DSP: variants seen among roughly 807,000 people sequenced by gnomAD.
The protein encoded by DSP is desmoplakin.
Under a neutral mutation model 290.6 loss-of-function variants are expected in DSP, and 114 were observed. The observed-to-expected ratio is 0.39, with a 90% CI of 0.34 to 0.46. The LOEUF (loss-of-function observed/expected upper bound fraction) is 0.46. Ranked by LOEUF, DSP falls within the 20% of genes least tolerant of loss-of-function variation. The pLI is 0.99. For synonymous variants in DSP, 1,311 were observed against 1,316.4 expected (o/e 1.00, Z 0.09); for missense variants, 3,230 against 3,495.8 (o/e 0.92, Z 1.92).
chr6:7,541,911 C>A lies in DSP; in HGVS notation c.-5C>A. Reference sequence around the variant, plus strand: ...GCTGAGCCGCTCTCCCGATTGCCCGCCGACATGAGCTGCAACGGAGGCTCC... The same window carrying A: ...GCTGAGCCGCTCTCCCGATTGCCCGACGACATGAGCTGCAACGGAGGCTCC... On this transcript the variant is annotated 5_prime_UTR_variant, in exon 1 of 24. Transcript: ENST00000379802. 1 of 1,603,686 alleles carries A rather than the reference C, an allele frequency of 6.2e-7. No homozygotes were observed.
In DSP at chr6:7,580,603, T is replaced by C. The variant is rs1759399310; in HGVS notation, c.4413T>C (p.Asp1471=). 6.2e-7 allele frequency: 1 copy of C among 1,614,004 alleles called. No individual in the cohort carries two copies. Among genetic ancestry groups the C allele is most frequent in the Non-Finnish European group, 8.5e-7 (1 of 1,180,032 alleles). The stretch of plus-strand genomic sequence containing the variant: ...TAAGATATAAGCAATCTCTTGATGA[T>C]GCTGCCAAAACCATCCAGGATAAAA... The part of the protein sequence containing the change: ...ESVRYKQSLD[D]AAKTIQDKNK... The change falls in exon 23 of 24, where the codon GAT becomes GAC. Residue 1471 remains aspartate (D), a synonymous_variant. Coordinates refer to ENST00000379802, the MANE Select transcript of DSP (RefSeq NM_004415.4). This position sits in a 1 kb window ranked among gnomAD's most constrained non-coding sequence, Gnocchi z 4.2.
At chr6:7,567,021 G>T (rs1191283079) in intron 8 of DSP, among the ~76,000 whole-genome samples, 1 of 152,142 alleles carries the variant, frequency 6.6e-6, no homozygotes, top group Non-Finnish European at 1.5e-5. Flanking sequence ...AATCCTCCAG[G>T]AACAGGGCTC....
Position 7,558,288 on chromosome 6 carries a change from G to A in DSP, c.422+24G>A, listed in dbSNP as rs532263757. The A allele has an allele frequency of 2.9e-4, 472 of 1,608,574 alleles. 8 individuals carry two copies. The South Asian group carries it at 4.7e-3, about 16-fold the overall frequency. On this transcript the variant is annotated intron_variant, in intron 3 of 23. Coordinates refer to ENST00000379802, the MANE Select transcript of DSP (RefSeq NM_004415.4). The stretch of plus-strand genomic sequence containing the variant: ...AGGTATTGTCCACAGAGCATGGATC[G>A]GGCAGTCCCCATGAAAAAGAACACC...
Position 7,570,449 on chromosome 6 carries a change from C to G in DSP, c.1587C>G (p.Tyr529Ter). The change falls in exon 13 of 24, where the codon TAC becomes TAG. Residue 529 changes from tyrosine to a stop codon, truncating the protein, a stop_gained. Coordinates refer to ENST00000379802, the MANE Select transcript of DSP (RefSeq NM_004415.4). LOFTEE classifies it high-confidence loss of function. ...TTGTGCCTCTTAGGATTGAGCAGTA[C>G]TACGAAGCCATCTTGGCTCTGTGGA... ...AVDLSCKIEQYYEAILALWNQ... is the reference protein window; with the variant it reads ...AVDLSCKIEQ 1 of 1,614,152 alleles carries G rather than the reference C, an allele frequency of 6.2e-7. No homozygotes were observed.
rs1759686195 is a variant in DSP at position 7,586,703 on chromosome 6, G to C, written c.*825G>C. On this transcript the variant is annotated 3_prime_UTR_variant, in exon 24 of 24. Coordinates refer to ENST00000379802, the MANE Select transcript of DSP (RefSeq NM_004415.4). ...TACCATTAAAAAACTATTTGGTTCT[G>C]AATTCTTACTAGAAGGTGGTCTTTT... The C allele has an allele frequency of 6.6e-6, 1 of 152,210 alleles. No homozygotes were observed. Among genetic ancestry groups the C allele is most frequent in the Admixed American group, 6.5e-5 (1 of 15,280 alleles). 9.4% of individuals were successfully genotyped at this position (152,210 alleles called of 1,614,324 possible).
At position 7,568,565 on chromosome 6, in the gene DSP, T is replaced by G. The variant is rs778926592; in HGVS notation, c.1395T>G (p.Ala465=). The change falls in exon 11 of 24, where the codon GCT becomes GCG. Residue 465 remains alanine (A), a synonymous_variant. Transcript: ENST00000379802. The part of the protein sequence containing the change: ...YRSNKPIILR[A]LCDYKQDQKI... ...GCAATAAACCCATTATTCTCAGAGC[T>G]CTCTGTGACTACAAACAAGATCAGG... 2.5e-6 allele frequency: 4 copies of G among 1,613,910 alleles called. No homozygotes were observed. The highest frequency in any genetic ancestry group is 1.6e-4 in the Middle Eastern group (1 of 6,084).
At chr6:7,567,032 G>A (rs770951980) in intron 8 of DSP, among the ~76,000 whole-genome samples, 2 of 152,096 alleles carry the variant, frequency 1.3e-5, no homozygotes, top group Non-Finnish European at 2.9e-5. Flanking sequence ...AACAGGGCTC[G>A]GTGTGGCAAA....
chr6:7,543,296 G>T (rs1758072014), intron 1 of DSP, among the ~76,000 whole-genome samples: 1 of 151,800 alleles, frequency 6.6e-6, no homozygotes. Flanking sequence ...GTTTTGTTTT[G>T]CAAGCAGTTT....
chr6:7,546,285 C>T (rs1027111825), intron 1 of DSP, among the ~76,000 whole-genome samples: 23 of 152,108 alleles, frequency 1.5e-4, no homozygotes, highest in African/African-American at 5.6e-4. Context: ...TGACTCATAG[C>T]GTAGATAGTC....
Position 7,585,754 on chromosome 6 carries a change from C to T in DSP, c.8492C>T (p.Ser2831Leu), listed in dbSNP as rs761243454. Residue 2831 changes from serine to leucine, a missense_variant, in exon 24 of 24, where the codon TCG becomes TTG. Around this residue, in one of 5 missense-constraint regions of DSP, gnomAD observed 582 missense variants for 555.4 expected, o/e 1.05. Coordinates refer to ENST00000379802, the MANE Select transcript of DSP (RefSeq NM_004415.4). ...CCGGGGTCCCGCTCCGGCTCCCGCT[C>T]GGGATCTCGCTCCGGATCTCGCTCC... ...SAPGSRSGSR[S>L]GSRSGSRSGS... 3 of 1,609,670 alleles carry T rather than the reference C, an allele frequency of 1.9e-6. No homozygotes were observed. In the South Asian group the frequency reaches 3.3e-5, roughly 18 times the overall value.
rs1759240465 is a variant in DSP at position 7,576,373 on chromosome 6, G to C, written c.2710G>C (p.Asp904His). 6.2e-7 allele frequency: 1 copy of C among 1,614,018 alleles called. No homozygotes were observed. The highest frequency in any genetic ancestry group is 1.1e-5 in the South Asian group (1 of 91,084). Residue 904 changes from aspartate to histidine, a missense_variant, in exon 19 of 24, where the codon GAT (aspartate) becomes CAT (histidine). This residue lies in a region of DSP where 1,714 missense variants were observed against 1,844.5 expected (regional missense o/e 0.93). Coordinates refer to ENST00000379802, the MANE Select transcript of DSP (RefSeq NM_004415.4). ...NYQAFCKWLY[D>H]AKRRQDSLES... ...TCAGGCTTTCTGCAAGTGGCTCTAT[G>C]ATGCTAAACGCCGCCAGGATTCCTT... is the stretch of plus-strand genomic sequence containing the variant.
chr6:7,581,645 CTCTT>C (rs1380206719), intron 23 of DSP, 76 bp downstream of exon 23: 1 of 1,579,838 alleles, frequency 6.3e-7, no homozygotes, highest in Non-Finnish European at 8.6e-7. Flanking sequence ...CTGAACTGTG[CTCTT>C]TCTGCTTAAA....
intron 1 of DSP, among the ~76,000 whole-genome samples, chr6:7,543,898 AG>A (rs1758094921): frequency 1.3e-5 from 2 of 152,212 alleles, no homozygotes; most frequent in Non-Finnish European, 1.5e-5. Flanking sequence ...ATGTTTTATT[AG>A]GATTCCCCAT....
Position 7,584,038 on chromosome 6 carries a change from G to A in DSP, c.6776G>A (p.Cys2259Tyr), listed in dbSNP as rs754635738. 4 of 1,614,174 alleles carry A rather than the reference G, an allele frequency of 2.5e-6. No individual in the cohort carries two copies. Among genetic ancestry groups the A allele is most frequent in the Admixed American group, 1.7e-5 (1 of 60,030 alleles). The change falls in exon 24 of 24, where the codon TGC (cysteine) becomes TAC (tyrosine). Residue 2259 changes from cysteine to tyrosine, a missense_variant. Transcript: ENST00000379802. The surrounding 1 kb of genome is among the most constrained non-coding windows in gnomAD (Gnocchi z 6.4). ...RIKDFLQGSS[C>Y]IAGIYNETTK... ...AAGGACTTCCTCCAGGGTTCAAGCT[G>A]CATAGCAGGCATATACAATGAGACC...
chr6:7,554,600 A>T (rs935343289), intron 1 of DSP, among the ~76,000 whole-genome samples: 1 of 152,100 alleles, frequency 6.6e-6, no homozygotes, highest in Non-Finnish European at 1.5e-5. Context: ...TCACACCATG[A>T]TTTTTAAAAA....
rs185367490 is a variant in DSP at position 7,579,891 on chromosome 6, A to G, written c.3701A>G (p.Asn1234Ser). 37 of 1,614,162 alleles carry G rather than the reference A, an allele frequency of 2.3e-5. No individual in the cohort carries two copies. In the East Asian group the frequency reaches 6.9e-4, roughly 30 times the overall value. The change falls in exon 23 of 24, where the codon AAT becomes AGT. Residue 1234 changes from asparagine (N) to serine (S), a missense_variant. Coordinates refer to ENST00000379802, the MANE Select transcript of DSP (RefSeq NM_004415.4). The surrounding 1 kb of genome is among the most constrained non-coding windows in gnomAD (Gnocchi z 4.1). ...ATGCAAAAAGAGGATGATTCCAAAA[A>G]TCTTAGAAACCAGCTTGATAGACTT... ...ISMQKEDDSK[N>S]LRNQLDRLSR...
rs1757981162 is a variant in DSP, at chr6:7,541,816, C to T, written c.-100C>T. ...GAGCCTTCCGCACTCCCGCCCGGTTCCCCGGCCGTCCGCCTATCCTTGGCC... is the reference window on the plus strand; with the variant it reads ...GAGCCTTCCGCACTCCCGCCCGGTTTCCCGGCCGTCCGCCTATCCTTGGCC... On this transcript the variant is annotated 5_prime_UTR_variant, in exon 1 of 24. Transcript: ENST00000379802. 8.3e-6 allele frequency: 12 copies of T among 1,437,608 alleles called. No individual in the cohort carries two copies. In the South Asian group the frequency reaches 1.1e-4, roughly 13 times the overall value. 89.1% of individuals were successfully genotyped at this position (1,437,608 alleles called of 1,614,324 possible). A position where few individuals can be genotyped will look rare whatever the true frequency, so the allele number is the denominator to read the frequency against.
chr6:7,557,411 G>A (rs1758533137), intron 2 of DSP, among the ~76,000 whole-genome samples: 1 of 152,222 alleles, frequency 6.6e-6, no homozygotes, highest in African/African-American at 2.4e-5. Flanking sequence ...CAGGCGTGGT[G>A]GCTCACGCTT....
chr6:7,560,972 G>A (rs1401521030), intron 4 of DSP, among the ~76,000 whole-genome samples: 1 of 146,264 alleles, frequency 6.8e-6, no homozygotes, highest in Non-Finnish European at 1.5e-5. Context: ...TTTTTTTTGA[G>A]AGGGAGTCTC....
Sources: gnomAD v4.1 joint callset for allele counts (sites outside exome capture counted in the v4.1 genomes callset) on GRCh38, gnomAD v4.1.1 for gene constraint, gnomAD v4.1.1 regional missense constraint, Gnocchi (gnomAD v3.1) non-coding constraint, MANE v1.5 for transcripts, NCBI Gene and HGNC (gene_info 2026-07-23, HGNC 2026-07-21) for gene names.